BLTP2: variants seen among roughly 807,000 people sequenced by gnomAD.
BLTP2 encodes U937-associated antigen.
At chr17:28,633,794 C>A in the BLTP2 span, 1 of 1,600,798 alleles carries the variant, frequency 6.2e-7, no homozygotes, top group South Asian at 1.1e-5. Flanking sequence ...CACAACATTA[C>A]CCCTCTCTTC....
At chr17:28,639,653 C>T in the BLTP2 span, 5 of 1,613,044 alleles carry the variant, frequency 3.1e-6, no homozygotes, top group East Asian at 1.1e-4. Context: ...CTGTAAGAGG[C>T]CAGAGGACAG....
At chr17:28,643,194 G>C in the BLTP2 span, 1 of 1,614,092 alleles carries the variant, frequency 6.2e-7, no homozygotes, top group Admixed American at 1.7e-5. Context: ...AGGATGGGCT[G>C]AAGGACAGTT....
At chr17:28,617,240 C>A in the BLTP2 span, 1 of 1,613,618 alleles carries the variant, frequency 6.2e-7, no homozygotes, top group Non-Finnish European at 8.5e-7. Flanking sequence ...GCCTTATAGA[C>A]AGCATTGGGG....
the BLTP2 span, among the ~76,000 whole-genome samples, chr17:28,629,420 C>T: frequency 2.6e-5 from 4 of 151,820 alleles, no homozygotes; most frequent in South Asian, 4.1e-4. Flanking sequence ...TCTCCAAGTA[C>T]CTGGGGATTA....
the BLTP2 span, chr17:28,631,738 C>T: frequency 1.2e-6 from 2 of 1,604,626 alleles, no homozygotes; most frequent in Non-Finnish European, 1.7e-6. Flanking sequence ...TAGTGTAAGA[C>T]AGAGATGGAG....
the BLTP2 span, chr17:28,621,576 A>G: frequency 2.0e-6 from 2 of 1,017,966 alleles, no homozygotes; most frequent in Non-Finnish European, 3.1e-6. Context: ...ACAGATCTCC[A>G]TGTTTCAAGT....
At chr17:28,617,491 A>G in the BLTP2 span, 2 of 550,190 alleles carry the variant, frequency 3.6e-6, no homozygotes, top group Non-Finnish European at 6.5e-6. Context: ...TCTCATGGGC[A>G]CTATTGTCCA....
the BLTP2 span, chr17:28,634,582 G>A: frequency 1.2e-6 from 2 of 1,614,134 alleles, no homozygotes; most frequent in African/African-American, 1.3e-5. Context: ...TAATCCCTCA[G>A]GGGGAAAAGG....
At chr17:28,633,576 C>T in the BLTP2 span, 1 of 1,613,984 alleles carries the variant, frequency 6.2e-7, no homozygotes, top group African/African-American at 1.3e-5. Context: ...GCAGGTTCGC[C>T]TGTTCAATGT....
At chr17:28,615,218 G>C in the BLTP2 span, 4 of 1,613,186 alleles carry the variant, frequency 2.5e-6, no homozygotes, top group South Asian at 4.4e-5. Flanking sequence ...GCCTGTTGCA[G>C]ACTTCAGCCT....
chr17:28,638,377 C>A, the BLTP2 span: 2 of 1,614,030 alleles, frequency 1.2e-6, no homozygotes, highest in Admixed American at 3.3e-5. Context: ...GTTAGGACGC[C>A]CCGCTGATGG....
the BLTP2 span, chr17:28,624,136 G>T: frequency 6.9e-7 from 1 of 1,455,022 alleles, no homozygotes; most frequent in Non-Finnish European, 9.4e-7. Context: ...AAATTTTTTG[G>T]AGCTCTATTC....
the BLTP2 span, chr17:28,616,015 A>G: frequency 8.3e-7 from 1 of 1,200,746 alleles, no homozygotes; most frequent in South Asian, 1.3e-5. This position sits in a 1 kb window ranked among gnomAD's most constrained non-coding sequence, Gnocchi z 4.8. Context: ...CAAACAACCT[A>G]GCTGTCTCCC....
At chr17:28,640,791 G>A in the BLTP2 span, 1 of 1,035,358 alleles carries the variant, frequency 9.7e-7, no homozygotes, top group East Asian at 2.5e-5. Flanking sequence ...AGTAGGCTAA[G>A]CAAATGCCTA....
the BLTP2 span, chr17:28,644,943 C>CCCT: frequency 6.6e-7 from 1 of 1,511,058 alleles, no homozygotes. Flanking sequence ...TCCGCCCCCT[C>CCCT]CCTCCCGCCG....
chr17:28,643,357 T>C, the BLTP2 span: 1 of 1,608,556 alleles, frequency 6.2e-7, no homozygotes, highest in South Asian at 1.1e-5. Context: ...ATCCCTCCCA[T>C]AGCAGTCTAT....
the BLTP2 span, chr17:28,635,299 C>T: frequency 6.2e-7 from 1 of 1,614,212 alleles, no homozygotes; most frequent in Non-Finnish European, 8.5e-7. Flanking sequence ...CAGGGAACCT[C>T]CATGCCGGCT....
At chr17:28,638,085 T>G in the BLTP2 span, 2 of 1,613,940 alleles carry the variant, frequency 1.2e-6, no homozygotes, top group Non-Finnish European at 1.7e-6. Flanking sequence ...AGAGGCTGGT[T>G]ATAGCTACCC....
At chr17:28,644,306 T>G in the BLTP2 span, 1 of 1,073,894 alleles carries the variant, frequency 9.3e-7, no homozygotes, top group African/African-American at 1.6e-5. Flanking sequence ...TGAGCAACTC[T>G]CCTTTCTTCC....
Sources: gnomAD v4.1 joint callset for allele counts (sites outside exome capture counted in the v4.1 genomes callset) on GRCh38, gnomAD v4.1.1 for gene constraint, Gnocchi (gnomAD v3.1) non-coding constraint, MANE v1.5 for transcripts, NCBI Gene and HGNC (gene_info 2026-07-23, HGNC 2026-07-21) for gene names.